SYCP2L: variants seen among roughly 807,000 people sequenced by gnomAD.
SYCP2L encodes the protein synaptonemal complex protein 2-like.
SYCP2L carries 98 observed loss-of-function variants against 125.8 expected under a neutral mutation model. The observed-to-expected ratio is 0.78, with a 90% confidence interval of 0.66 to 0.92. The LOEUF is 0.92. Ranked by LOEUF, SYCP2L falls within the 40% of genes least tolerant of loss-of-function variation. The pLI is 0.00. For missense variants in SYCP2L, 842 were observed against 936.4 expected (o/e 0.90, Z 1.32); for synonymous variants, 317 against 325.4 (o/e 0.97, Z 0.28).
intron 23 of SYCP2L, among the ~76,000 whole-genome samples, chr6:10,949,475 T>C (rs1383666003): frequency 2.0e-5 from 3 of 152,200 alleles, no homozygotes; most frequent in African/African-American, 7.2e-5. Context: ...ACAATATCTT[T>C]CCTTTAGATT....
chr6:10,919,646 T>G (rs1011401138), intron 14 of SYCP2L, among the ~76,000 whole-genome samples: 8 of 152,136 alleles, frequency 5.3e-5, no homozygotes, highest in African/African-American at 1.9e-4. Flanking sequence ...CCCAAGAGTA[T>G]ATTCCCTTAG....
rs1428339290 is a variant in SYCP2L, at chr6:10,961,495, C to T, written c.2356-5C>T. The T allele has an allele frequency of 6.2e-7, 1 of 1,613,974 alleles. No homozygotes were observed. Among genetic ancestry groups the T allele is most frequent in the African/African-American group, 1.3e-5 (1 of 74,926 alleles). ...TACTTAAACAAAACTTTTGTTCAAT[C>T]TTAGGAATTCTGGGGGAAACAGTCT... On this transcript the variant is annotated splice_region_variant and splice_polypyrimidine_tract_variant and intron_variant, in intron 27 of 29. Coordinates refer to ENST00000283141, the MANE Select transcript of SYCP2L (RefSeq NM_001040274.3).
intron 4 of SYCP2L, among the ~76,000 whole-genome samples, chr6:10,896,162 C>T (rs1398310157): frequency 6.6e-6 from 1 of 152,108 alleles, no homozygotes; most frequent in Non-Finnish European, 1.5e-5. Flanking sequence ...AAAACAAGCC[C>T]TACAGAAAGG....
chr6:10,952,950 G>A (rs1781437649), intron 23 of SYCP2L, among the ~76,000 whole-genome samples: 1 of 152,170 alleles, frequency 6.6e-6, no homozygotes, highest in African/African-American at 2.4e-5. Context: ...ACAGATAAGA[G>A]TATTTCTTAA....
chr6:10,900,737 T>C (rs1581817478), intron 6 of SYCP2L, among the ~76,000 whole-genome samples: 1 of 152,170 alleles, frequency 6.6e-6, no homozygotes, highest in South Asian at 2.1e-4. Context: ...TACCAAAGGC[T>C]GCATCTCAAA....
chr6:10,887,951 A>G (rs969837399), intron 1 of SYCP2L, among the ~76,000 whole-genome samples: 3 of 151,834 alleles, frequency 2.0e-5, no homozygotes, highest in Non-Finnish European at 4.4e-5. Flanking sequence ...TCCCTGTTAC[A>G]TTGAAAGCTG....
At chr6:10,958,528 T>C (rs2113410634) in intron 25 of SYCP2L, among the ~76,000 whole-genome samples, 1 of 152,200 alleles carries the variant, frequency 6.6e-6, no homozygotes, top group African/African-American at 2.4e-5. Flanking sequence ...ATATGAGATT[T>C]GGGTGGGGGC....
At chr6:10,893,771 A>T in intron 2 of SYCP2L, 96 bp from the exon 3 acceptor site, 1 of 1,302,590 alleles carries the variant, frequency 7.7e-7, no homozygotes, top group South Asian at 1.4e-5. Flanking sequence ...ATATTATTTC[A>T]CACTGAATTC....
chr6:10,900,645 G>A (rs74571127), intron 6 of SYCP2L, among the ~76,000 whole-genome samples: 1,977 of 152,146 alleles, frequency 0.013, 42 homozygotes, highest in African/African-American at 0.045. Flanking sequence ...GAGCCATCGC[G>A]CCTAGACGGA....
chr6:10,942,419 C>G (rs1781240350), intron 21 of SYCP2L, 40 bp from the exon 22 acceptor site: 1 of 1,258,102 alleles, frequency 7.9e-7, no homozygotes, highest in Non-Finnish European at 1.1e-6. Context: ...TGCTTTGTTA[C>G]TTGGCGTGTA....
At position 10,902,270 on chromosome 6, in the gene SYCP2L, A is replaced by G. The variant is rs543434420; in HGVS notation, c.467-407A>G. On this transcript the variant is annotated intron_variant, in intron 6 of 29. Coordinates refer to ENST00000283141, the MANE Select transcript of SYCP2L (RefSeq NM_001040274.3). ...GTCACATCTTTGTTTTTATCTTCAT[A>G]TGCATCTTTTCCTCGCTCACTTTCC... Among the ~76,000 whole-genome samples, 9 of 152,294 alleles carry G rather than the reference A, an allele frequency of 5.9e-5. No homozygotes were observed. In the East Asian group the frequency reaches 1.7e-3, roughly 29 times the overall value.
chr6:10,907,501 T>C, intron 9 of SYCP2L, 41 bp from the exon 10 acceptor site: 1 of 1,566,786 alleles, frequency 6.4e-7, no homozygotes, highest in East Asian at 2.2e-5. Context: ...TTTTGCTTTG[T>C]GCCCAGAATT....
chr6:10,955,342 A>G lies in SYCP2L; in HGVS notation c.2056+125A>G, dbSNP rs145835514. The G allele has an allele frequency of 9.7e-5, 58 of 599,670 alleles. No individual in the cohort carries two copies. In the East Asian group the frequency reaches 1.6e-3, roughly 16 times the overall value. 37.1% of individuals were successfully genotyped at this position (599,670 alleles called of 1,614,324 possible). ...ATCATAGTAGCTACAAAATCCTAAA[A>G]ACTAAGCTTTTGTGCTTTTGGAGAC... On this transcript the variant is annotated intron_variant, in intron 24 of 29. Transcript: ENST00000283141.
chr6:10,925,760 G>C (rs1170999166), intron 15 of SYCP2L, among the ~76,000 whole-genome samples: 1 of 152,110 alleles, frequency 6.6e-6, no homozygotes, highest in Admixed American at 6.5e-5. Flanking sequence ...GAGAAATAAA[G>C]GGGAAATCAG....
At chr6:10,905,737 A>AC (rs1236798137) in intron 8 of SYCP2L, among the ~76,000 whole-genome samples, 1 of 152,204 alleles carries the variant, frequency 6.6e-6, no homozygotes, top group Non-Finnish European at 1.5e-5. Context: ...AATCTGATGA[A>AC]CCCTTAGAGA....
chr6:10,919,313 T>C (rs1224998321), intron 14 of SYCP2L, among the ~76,000 whole-genome samples: 2 of 152,144 alleles, frequency 1.3e-5, no homozygotes, highest in Admixed American at 6.5e-5. Flanking sequence ...TGTGGCTTCC[T>C]GAGAGCCGAG....
At chr6:10,957,266 C>G (rs1781516302) in intron 25 of SYCP2L, among the ~76,000 whole-genome samples, 3 of 152,166 alleles carry the variant, frequency 2.0e-5, no homozygotes, top group Admixed American at 1.3e-4. Flanking sequence ...GAAAGTGCTT[C>G]TAAGTGTTTG....
Position 10,896,935 on chromosome 6 carries a change from CAG to C in SYCP2L, c.337-1073_337-1072del, listed in dbSNP as rs1162831092. ...TCTCAGGTTCTTGGCCCAAAGTATA[CAG>C]AGTTTTGAAGGCCTGACTCCTGCAA... is the stretch of plus-strand genomic sequence containing the variant. On this transcript the variant is annotated intron_variant, in intron 4 of 29. Coordinates refer to ENST00000283141, the MANE Select transcript of SYCP2L (RefSeq NM_001040274.3). 8.5e-5 allele frequency among the ~76,000 whole-genome samples: 13 copies of C among 152,274 alleles called. No individual in the cohort carries two copies. The East Asian group carries it at 2.3e-3, about 27-fold the overall frequency.
At position 10,931,418 on chromosome 6, in the gene SYCP2L, C is replaced by T. The variant is rs544306435; in HGVS notation, c.1634-22C>T. Reference sequence around the variant, plus strand: ...CTCATGAGTTAATGTATATGTTGTGCACTTGTTTTCTTTCAATTTAGTCTT... The same window carrying T: ...CTCATGAGTTAATGTATATGTTGTGTACTTGTTTTCTTTCAATTTAGTCTT... On this transcript the variant is annotated intron_variant, in intron 19 of 29. Coordinates refer to ENST00000283141, the MANE Select transcript of SYCP2L (RefSeq NM_001040274.3). The T allele has an allele frequency of 1.3e-5, 21 of 1,613,662 alleles. 1 individual carries two copies. The highest frequency in any genetic ancestry group is 9.3e-5 in the African/African-American group (7 of 75,024).
Sources: allele counts gnomAD v4.1 joint callset (sites outside exome capture counted in the v4.1 genomes callset), GRCh38; gene constraint gnomAD v4.1.1; transcripts MANE v1.5; gene names NCBI Gene and HGNC (gene_info 2026-07-23, HGNC 2026-07-21).